Variants in ZNF207 observed in about 807,000 individuals in gnomAD.
ZNF207 encodes the protein zinc finger protein 207, also known as BUB3-interacting and GLEBS motif-containing protein ZNF207.
A neutral mutation model predicts 60.2 loss-of-function variants in ZNF207; 24 were observed. That is an observed-to-expected ratio of 0.40 (90% CI 0.29 to 0.56). The LOEUF is 0.56. Ranked by LOEUF, ZNF207 falls within the 20% of genes least tolerant of loss-of-function variation. The pLI is 0.49. For synonymous variants in ZNF207, 236 were observed against 194.7 expected (o/e 1.21, Z -1.77); for missense variants, 452 against 636.6 (o/e 0.71, Z 3.12).
chr17:32,369,342 G>T lies in ZNF207; in HGVS notation c.1212G>T (p.Arg404=). The part of the protein sequence containing the change: ...QLPKYQRNLP[R]PGQAPIGNPP... Reference sequence around the variant, plus strand: ...CTAAGTATCAACGTAATCTTCCTCGGCCAGGACAGGCCCCCATCGGTAATC... The same window carrying T: ...CTAAGTATCAACGTAATCTTCCTCGTCCAGGACAGGCCCCCATCGGTAATC... Residue 404 remains arginine (R), a synonymous_variant, in exon 11 of 12, where the codon CGG becomes CGT. Transcript: ENST00000394670. The T allele has an allele frequency of 6.2e-7, 1 of 1,614,092 alleles. No individual in the cohort carries two copies. Among genetic ancestry groups the T allele is most frequent in the South Asian group, 1.1e-5 (1 of 91,084 alleles).
rs996217105 is a variant in ZNF207 at position 32,371,144 on chromosome 17, C to T, written c.*1385C>T. On this transcript the variant is annotated 3_prime_UTR_variant, in exon 12 of 12. Coordinates refer to ENST00000394670, the MANE Select transcript of ZNF207 (RefSeq NM_001098507.2). ...TGGGATCTGTTTTTCTGATCTTTTGCAGGGTAGTTTTATGATTTTTTAGGC... is the reference window on the plus strand; with the variant it reads ...TGGGATCTGTTTTTCTGATCTTTTGTAGGGTAGTTTTATGATTTTTTAGGC... The T allele has an allele frequency of 6.6e-6, 1 of 152,042 alleles. No individual in the cohort carries two copies. Among genetic ancestry groups the T allele is most frequent in the Admixed American group, 6.6e-5 (1 of 15,266 alleles). 9.4% of individuals were successfully genotyped at this position (152,042 alleles called of 1,614,324 possible).
chr17:32,352,619 GTTA>G lies in ZNF207; in HGVS notation c.168+712_168+714del, dbSNP rs986289997. On this transcript the variant is annotated intron_variant, in intron 2 of 11. Transcript: ENST00000394670. ...ATTACTCACTGCCATTGAAGGATCTGTTATTATCTGTAGCTTGGGGCTAGGCTA... is the reference window on the plus strand; with the variant it reads ...ATTACTCACTGCCATTGAAGGATCTGTTATCTGTAGCTTGGGGCTAGGCTA... 1.3e-5 allele frequency among the ~76,000 whole-genome samples: 2 copies of G among 152,162 alleles called. 1 individual carries two copies. Among genetic ancestry groups the G allele is most frequent in the Non-Finnish European group, 2.9e-5 (2 of 68,024 alleles).
chr17:32,373,178 T>A lies in ZNF207; in HGVS notation c.*3419T>A, dbSNP rs1905542639. 2.4e-6 allele frequency: 1 copy of A among 420,488 alleles called. No homozygotes were observed. Among genetic ancestry groups the A allele is most frequent in the Non-Finnish European group, 4.2e-6 (1 of 236,650 alleles). 26.0% of individuals were successfully genotyped at this position (420,488 alleles called of 1,614,324 possible). On this transcript the variant is annotated 3_prime_UTR_variant, in exon 12 of 12. Transcript: ENST00000394670. ...TATTCCACTAAGTTACATTTTGAAC[T>A]TAGACTCACCTTAATTAAACTTAAT...
At position 32,370,032 on chromosome 17, in the gene ZNF207, C is replaced by T; in HGVS notation, c.*273C>T. The T allele has an allele frequency of 3.6e-6, 1 of 278,806 alleles. No individual in the cohort carries two copies. Among genetic ancestry groups the T allele is most frequent in the Non-Finnish European group, 6.5e-6 (1 of 154,598 alleles). The allele number at this position is 278,806 out of a possible 1,614,324, so 17.3% of individuals were successfully genotyped here. Reference sequence around the variant, plus strand: ...GAAGTGAAGTATAGTAAATTTGGTTCGTTAAATTGTGAAGGCGCTGGAATT... The same window carrying T: ...GAAGTGAAGTATAGTAAATTTGGTTTGTTAAATTGTGAAGGCGCTGGAATT... On this transcript the variant is annotated 3_prime_UTR_variant, in exon 12 of 12. Coordinates refer to ENST00000394670, the MANE Select transcript of ZNF207 (RefSeq NM_001098507.2).
chr17:32,368,991 G>T, intron 10 of ZNF207: 1 of 237,110 alleles, frequency 4.2e-6, no homozygotes, highest in Non-Finnish European at 8.3e-6. Context: ...GACAATGAGT[G>T]AAACCCCGTC....
Position 32,365,503 on chromosome 17 carries a change from T to G in ZNF207, c.828+16T>G. 1.2e-6 allele frequency: 2 copies of G among 1,612,876 alleles called. No homozygotes were observed. Among genetic ancestry groups the G allele is most frequent in the Non-Finnish European group, 8.5e-7 (1 of 1,179,480 alleles). ...TGCTGGACAGGTAAGGTGAAAATCC[T>G]GAAAAGGAGTGCACTTATATTTAAA... On this transcript the variant is annotated intron_variant, in intron 8 of 11. Coordinates refer to ENST00000394670, the MANE Select transcript of ZNF207 (RefSeq NM_001098507.2).
At chr17:32,367,282 T>TATATATATATATATATAA (rs1445385221) in intron 9 of ZNF207, among the ~76,000 whole-genome samples, 1,407 of 82,760 alleles carry the variant, frequency 0.017, 59 homozygotes, top group Admixed American at 0.042. Flanking sequence ...TATATATATA[T>TATATATATATATATATAA]ATAAAGAATA....
chr17:32,360,186 C>CGCAA (rs1555606145), intron 3 of ZNF207, among the ~76,000 whole-genome samples: 1 of 52,254 alleles, frequency 1.9e-5, no homozygotes, highest in African/African-American at 7.3e-5. Flanking sequence ...ACCCCCCCCC[C>CGCAA]AAAAAAAAAA....
At chr17:32,352,087 C>T (rs988196267) in intron 2 of ZNF207, among the ~76,000 whole-genome samples, 175 bp downstream of exon 2, 1 of 152,180 alleles carries the variant, frequency 6.6e-6, no homozygotes, top group African/African-American at 2.4e-5. Flanking sequence ...TCTGCCTCAG[C>T]CTCCGGAGTA....
chr17:32,356,382 A>G (rs1236416521), intron 2 of ZNF207, among the ~76,000 whole-genome samples: 1 of 152,162 alleles, frequency 6.6e-6, no homozygotes, highest in Non-Finnish European at 1.5e-5. Flanking sequence ...ATTCCAAAAA[A>G]CCTTAGGAAA....
chr17:32,363,041 T>C, intron 7 of ZNF207, 57 bp downstream of exon 7: 1 of 1,514,136 alleles, frequency 6.6e-7, no homozygotes, highest in Non-Finnish European at 9.0e-7. Context: ...TCTAAGTTTT[T>C]TTAGACGTCT....
At chr17:32,367,718 A>G in intron 9 of ZNF207, 54 bp from the exon 10 acceptor site, 1 of 1,601,440 alleles carries the variant, frequency 6.2e-7, no homozygotes, top group Admixed American at 1.7e-5. Context: ...ACTGTTGTAG[A>G]TATAGTTAAT....
chr17:32,367,277 ATAT>A (rs1567825077), intron 9 of ZNF207, among the ~76,000 whole-genome samples: 3 of 116,722 alleles, frequency 2.6e-5, no homozygotes, highest in African/African-American at 3.9e-5. Context: ...ATATATATAT[ATAT>A]ATATAAAGAA....
rs1322288224 is a variant in ZNF207 at position 32,370,256 on chromosome 17, G to A, written c.*497G>A. ...ATTTAATGTATTTAGAGTTCCTCAT[G>A]TTGCAGGGTTTAAGAAATCTGACCC... On this transcript the variant is annotated 3_prime_UTR_variant, in exon 12 of 12. Coordinates refer to ENST00000394670, the MANE Select transcript of ZNF207 (RefSeq NM_001098507.2). 1 of 152,678 alleles carries A rather than the reference G, an allele frequency of 6.5e-6. No homozygotes were observed. Among genetic ancestry groups the A allele is most frequent in the Non-Finnish European group, 1.5e-5 (1 of 68,074 alleles). 9.5% of individuals were successfully genotyped at this position (152,678 alleles called of 1,614,324 possible).
Position 32,362,942 on chromosome 17 carries a change from C to T in ZNF207, c.628C>T (p.Pro210Ser). Residue 210 changes from proline (P) to serine (S), a missense_variant, in exon 7 of 12, where the codon CCT (proline) becomes TCT (serine). By Grantham distance (74) the Pro-to-Ser change is moderately conservative. This residue lies in a region of ZNF207 where 390 missense variants were observed against 461.4 expected (regional missense o/e 0.85). Transcript: ENST00000394670. ...GATGCCAATGGGTGGAATGATGCCACCTGGACCAGGAATACCACCTCTGAT... is the reference window on the plus strand; with the variant it reads ...GATGCCAATGGGTGGAATGATGCCATCTGGACCAGGAATACCACCTCTGAT... Reference protein sequence around the residue: ...IMMPMGGMMPPGPGIPPLMPG... With the variant: ...IMMPMGGMMPSGPGIPPLMPG... The T allele has an allele frequency of 6.2e-7, 1 of 1,613,320 alleles. No homozygotes were observed. Among genetic ancestry groups the T allele is most frequent in the Non-Finnish European group, 8.5e-7 (1 of 1,179,960 alleles).
intron 2 of ZNF207, 107 bp downstream of exon 2, chr17:32,352,019 G>T: frequency 9.0e-7 from 1 of 1,114,786 alleles, no homozygotes; most frequent in South Asian, 1.8e-5. Context: ...CCAAGCTGGA[G>T]TGCAGTGGTG....
chr17:32,360,921 C>T lies in ZNF207; in HGVS notation c.505C>T (p.Pro169Ser), dbSNP rs901246687. 2 of 1,613,962 alleles carry T rather than the reference C, an allele frequency of 1.2e-6. No homozygotes were observed. Among genetic ancestry groups the T allele is most frequent in the Non-Finnish European group, 1.7e-6 (2 of 1,180,014 alleles). ...GIPPLMPGVP[P>S]LMPGMPPVMP... ...ACCTCCATTAATGCCAGGTGTTCCT[C>T]CTCTGATGCCAGGAATGCCACCAGT... The change falls in exon 5 of 12, where the codon CCT becomes TCT. Residue 169 changes from proline (P) to serine (S), a missense_variant. Physicochemically the swap from Pro to Ser is moderately conservative, Grantham distance 74 (BLOSUM62 -1). Coordinates refer to ENST00000394670, the MANE Select transcript of ZNF207 (RefSeq NM_001098507.2).
intron 1 of ZNF207, chr17:32,351,349 A>T (rs2041503828): frequency 1.3e-6 from 1 of 773,336 alleles, no homozygotes; most frequent in Non-Finnish European, 1.7e-6. Flanking sequence ...TTACTCTTAG[A>T]TTCTAAATAT....
chr17:32,374,896 C>T lies in ZNF207; in HGVS notation c.*5137C>T, dbSNP rs1375240629. 6.6e-6 allele frequency: 1 copy of T among 152,170 alleles called. No homozygotes were observed. The highest frequency in any genetic ancestry group is 1.9e-4 in the East Asian group (1 of 5,208). The allele number at this position is 152,170 out of a possible 1,614,324, so 9.4% of individuals were successfully genotyped here. A position where few individuals can be genotyped will look rare whatever the true frequency, so the allele number is the denominator to read the frequency against. ...GTTTTACGCACATGTGAAAAGTATC[C>T]ACATTTGTTTCCAACTAAAATTTGC... On this transcript the variant is annotated 3_prime_UTR_variant, in exon 12 of 12. Coordinates refer to ENST00000394670, the MANE Select transcript of ZNF207 (RefSeq NM_001098507.2).
Sources: gnomAD v4.1 joint callset for allele counts (sites outside exome capture counted in the v4.1 genomes callset) on GRCh38, gnomAD v4.1.1 for gene constraint, gnomAD v4.1.1 regional missense constraint, MANE v1.5 for transcripts, NCBI Gene and HGNC (gene_info 2026-07-23, HGNC 2026-07-21) for gene names.